Variants in PTPN9 observed in about 807,000 individuals in gnomAD.
PTPN9 encodes the protein protein tyrosine phosphatase non-receptor type 9.
In PTPN9, 26 loss-of-function variants were observed where a neutral mutation model predicts 69.8. The observed-to-expected ratio is 0.37, with a 90% CI of 0.27 to 0.52. The LOEUF is 0.52. Among genes scored for constraint, PTPN9 ranks in the 20% least tolerant of loss-of-function variants. The pLI, the probability that PTPN9 is intolerant of heterozygous loss-of-function variation, is 0.91. For missense variants in PTPN9, 549 were observed against 740.3 expected (o/e 0.74, Z 3.00); for synonymous variants, 274 against 272.5 (o/e 1.01, Z -0.05).
At chr15:75,512,028 A>G (rs1189601625) in intron 5 of PTPN9, among the ~76,000 whole-genome samples, 1 of 152,004 alleles carries the variant, frequency 6.6e-6, no homozygotes, top group African/African-American at 2.4e-5. Context: ...TATTTTTAGC[A>G]GAGATGGGTT....
chr15:75,557,249 AC>A (rs1173608595), intron 1 of PTPN9, among the ~76,000 whole-genome samples: 8 of 152,078 alleles, frequency 5.3e-5, no homozygotes, highest in Non-Finnish European at 8.8e-5. Context: ...ACATGGTGAA[AC>A]CCCGTCTCTA....
chr15:75,494,838 A>AC (rs2074730850), intron 7 of PTPN9, among the ~76,000 whole-genome samples: 2 of 151,880 alleles, frequency 1.3e-5, no homozygotes, highest in African/African-American at 4.8e-5. Context: ...AGCCTGGCCA[A>AC]CATGGTGAAA....
intron 1 of PTPN9, among the ~76,000 whole-genome samples, chr15:75,538,082 A>ACAAAG (rs1212046598): frequency 5.9e-5 from 9 of 151,670 alleles, no homozygotes; most frequent in African/African-American, 2.2e-4. Context: ...ACAAAACAAA[A>ACAAAG]CACACACACA....
rs747441557 is a variant in PTPN9, at chr15:75,469,854, G to A, written c.1505C>T (p.Ser502Phe). 2 of 1,613,914 alleles carry A rather than the reference G, an allele frequency of 1.2e-6. No homozygotes were observed. The highest frequency in any genetic ancestry group is 1.7e-5 in the Admixed American group (1 of 60,030). ...GGGTGGCTCAGGGCACTGCCCTTTG[G>A]AGCGTGCTCCCATGTTGCTCACAGC... ...SLAVSNMGAR[S>F]KGQCPEPPIV... The change falls in exon 12 of 13, where the codon TCC becomes TTC. Residue 502 changes from serine (S) to phenylalanine (F), a missense_variant. Physicochemically the swap from Ser to Phe is radical, Grantham distance 155. This residue lies in a region of PTPN9 where 457 missense variants were observed against 661.9 expected (regional missense o/e 0.69). Coordinates refer to ENST00000618819, the MANE Select transcript of PTPN9 (RefSeq NM_002833.4).
intron 4 of PTPN9, among the ~76,000 whole-genome samples, chr15:75,520,906 ATGATCCTCCCAGGGCTCAGG>A (rs1473318967): frequency 2.2e-3 from 333 of 152,006 alleles, no homozygotes; most frequent in African/African-American, 6.9e-3. Context: ...CAGGGCTCAG[ATGATCCTCCCAGGGCTCAGG>A]TGATCCTCCC....
intron 7 of PTPN9, among the ~76,000 whole-genome samples, chr15:75,493,665 G>A (rs2074723508): frequency 6.6e-6 from 1 of 152,082 alleles, no homozygotes; most frequent in Non-Finnish European, 1.5e-5. Context: ...GGAGGCTGAG[G>A]CATGAGAATT....
intron 1 of PTPN9, among the ~76,000 whole-genome samples, chr15:75,532,630 C>T (rs540153902): frequency 1.3e-5 from 2 of 152,328 alleles, no homozygotes; most frequent in African/African-American, 4.8e-5. Flanking sequence ...AGCACAGGAA[C>T]AATTCCTCCT....
At chr15:75,524,171 G>T in intron 3 of PTPN9, 38 bp downstream of exon 3, 8 of 1,086,672 alleles carry the variant, frequency 7.4e-6, no homozygotes, top group East Asian at 2.7e-5. Context: ...AAAAAAGGAA[G>T]TAATAAGGCC....
intron 2 of PTPN9, among the ~76,000 whole-genome samples, chr15:75,526,346 A>T (rs1315901924): frequency 6.6e-6 from 1 of 152,176 alleles, no homozygotes; most frequent in Non-Finnish European, 1.5e-5. Context: ...TAAGTATAAA[A>T]TAAGTATCTG....
intron 8 of PTPN9, among the ~76,000 whole-genome samples, chr15:75,488,003 C>T (rs908250477): frequency 2.6e-5 from 4 of 152,104 alleles, no homozygotes; most frequent in South Asian, 4.1e-4. Context: ...TTTACTTTGC[C>T]GGCGCAGTGG....
intron 10 of PTPN9, among the ~76,000 whole-genome samples, chr15:75,473,451 C>T (rs972135078): frequency 7.9e-5 from 12 of 151,914 alleles, no homozygotes; most frequent in African/African-American, 2.7e-4. Context: ...GCACCATGCC[C>T]GGCTAATTTT....
chr15:75,489,068 G>A (rs531115194), intron 8 of PTPN9, among the ~76,000 whole-genome samples: 3 of 151,634 alleles, frequency 2.0e-5, no homozygotes, highest in Admixed American at 6.6e-5. Flanking sequence ...CCAGCTACTC[G>A]GGAGGCTGAG....
chr15:75,516,559 G>A (rs948306428), intron 5 of PTPN9, among the ~76,000 whole-genome samples: 3 of 149,726 alleles, frequency 2.0e-5, no homozygotes, highest in Non-Finnish European at 3.0e-5. Flanking sequence ...TGATCCGTCC[G>A]CCTCAGCCTC....
chr15:75,506,272 T>C (rs1009174062), intron 6 of PTPN9, among the ~76,000 whole-genome samples: 1 of 152,194 alleles, frequency 6.6e-6, no homozygotes, highest in African/African-American at 2.4e-5. Context: ...GAAAGGACGA[T>C]GTAGTGAACA....
chr15:75,482,816 G>A (rs12899952), intron 8 of PTPN9, among the ~76,000 whole-genome samples: 8,956 of 151,586 alleles, frequency 0.059, 328 homozygotes, highest in Non-Finnish European at 0.082. Flanking sequence ...ATAGCTGGGC[G>A]TGGTGGCAGG....
chr15:75,555,455 G>A (rs2075072866), intron 1 of PTPN9, among the ~76,000 whole-genome samples: 1 of 151,996 alleles, frequency 6.6e-6, no homozygotes, highest in South Asian at 2.1e-4. Flanking sequence ...GCCTAGGGCA[G>A]GACTTGAAAA....
Position 75,556,172 on chromosome 15 carries a change from C to A in PTPN9, c.63+22542G>T, listed in dbSNP as rs376460517. Among the ~76,000 whole-genome samples the A allele has an allele frequency of 2.3e-4, 34 of 150,834 alleles. No individual in the cohort carries two copies. In the East Asian group the frequency reaches 3.1e-3, roughly 14 times the overall value. On this transcript the variant is annotated intron_variant, in intron 1 of 12. Coordinates refer to ENST00000618819, the MANE Select transcript of PTPN9 (RefSeq NM_002833.4). ...CTCCACCTCCCACGTTCAAGCAATT[C>A]TCTGCCTCAGCCTCCCGAGTAGCTG...
chr15:75,490,130 G>T, intron 8 of PTPN9, 78 bp downstream of exon 8: 2 of 1,152,654 alleles, frequency 1.7e-6, no homozygotes, highest in South Asian at 1.2e-5. Context: ...TCATTCTACC[G>T]AAGTATTAGT....
At chr15:75,575,335 T>C (rs888549803) in intron 1 of PTPN9, among the ~76,000 whole-genome samples, 11 of 152,138 alleles carry the variant, frequency 7.2e-5, no homozygotes, top group African/African-American at 2.7e-4. Context: ...ACTACACTTT[T>C]GCATGAAAAT....
Sources: gnomAD v4.1 joint callset for allele counts (sites outside exome capture counted in the v4.1 genomes callset) on GRCh38, gnomAD v4.1.1 for gene constraint, gnomAD v4.1.1 regional missense constraint, MANE v1.5 for transcripts, NCBI Gene and HGNC (gene_info 2026-07-23, HGNC 2026-07-21) for gene names.